Variants in ZNF577 observed in about 807,000 individuals in gnomAD.
ZNF577 encodes the protein zinc finger protein 577.
A neutral mutation model predicts 13.9 loss-of-function variants in ZNF577; 14 were observed. The observed-to-expected ratio is 1.00, with a 90% confidence interval of 0.66 to 1.57. The LOEUF is 1.57. Among genes scored for constraint, ZNF577 ranks in the 40% most tolerant of loss-of-function variants. ZNF577 has a pLI of 0.00. For missense variants in ZNF577, 555 were observed against 579.2 expected, an observed-to-expected ratio of 0.96 and a Z score of 0.43; for synonymous variants, 203 against 202.9, an observed-to-expected ratio of 1.00 and a Z score of 0.00.
rs79001092 is a variant in ZNF577, at chr19:51,843,712, T to C, written c.*155-397A>G. Reference sequence around the variant, plus strand: ...AATACAGTCCTATGCAGAAAGCCTATGTATTGCATGGTATTATGGATTAGC... The same window carrying C: ...AATACAGTCCTATGCAGAAAGCCTACGTATTGCATGGTATTATGGATTAGC... On this transcript the variant is annotated intron_variant and NMD_transcript_variant, in intron 6 of 10. Transcript: ENST00000638827. 1.7e-3 allele frequency among the ~76,000 whole-genome samples: 254 copies of C among 152,316 alleles called. 3 individuals carry two copies. In the East Asian group the frequency reaches 0.027, roughly 16 times the overall value.
At chr19:51,879,158 A>G (rs372786032) in intron 3 of ZNF577, among the ~76,000 whole-genome samples, 16 of 151,870 alleles carry the variant, frequency 1.1e-4, no homozygotes, top group East Asian at 7.8e-4. Flanking sequence ...TTGGGAGGCT[A>G]AGGCAGGAGA....
In ZNF577 at chr19:51,824,336, C is replaced by T. The variant is rs752117959; in HGVS notation, c.*600-12662G>A. 1.1e-5 allele frequency: 18 copies of T among 1,613,988 alleles called. No individual in the cohort carries two copies. The highest frequency in any genetic ancestry group is 1.3e-5 in the African/African-American group (1 of 74,910). On this transcript the variant is annotated intron_variant and NMD_transcript_variant, in intron 9 of 10. Coordinates refer to the ZNF577 transcript ENST00000638827. The surrounding 1 kb of genome is among the most constrained non-coding windows in gnomAD (Gnocchi z 4.7). ...TAGAGAGGTTGAACGTGTTCATTAC[C>T]ATGGCCAAGGTCTTTCTGATCCTCC...
At position 51,880,350 on chromosome 19, in the gene ZNF577, C is replaced by T; in HGVS notation, c.33G>A (p.Arg11=). 2 of 1,614,126 alleles carry T rather than the reference C, an allele frequency of 1.2e-6. No individual in the cohort carries two copies. Among genetic ancestry groups the T allele is most frequent in the Non-Finnish European group, 1.7e-6 (2 of 1,180,026 alleles). Residue 11 remains arginine (R), a synonymous_variant, in exon 3 of 6, where the codon AGG becomes AGA. Coordinates refer to ENST00000638348, the MANE Select transcript of ZNF577 (RefSeq NM_001370449.1). ...CCCCTGAAGAACTGCCTTGCTCTCT[C>T]CTCACAGACATTACAATCGTGGCAT... MKNATIVMSV[R]REQGSSSGEG... is the part of the protein sequence containing the mutation.
chr19:51,823,954 T>C (rs753762728), intron 9 of ZNF577: 1 of 1,614,124 alleles, frequency 6.2e-7, no homozygotes, highest in South Asian at 1.1e-5. Context: ...AACCTGGCCC[T>C]AGCTGACTTC....
At chr19:51,813,119 AACACACACAC>A (rs35245083) in intron 9 of ZNF577, among the ~76,000 whole-genome samples, 59 of 137,210 alleles carry the variant, frequency 4.3e-4, no homozygotes, top group Admixed American at 8.1e-4. Context: ...GCTCTGTCTC[AACACACACAC>A]ACACACACAC....
chr19:51,839,149 C>T (rs1259710798), intron 9 of ZNF577, among the ~76,000 whole-genome samples: 1 of 152,124 alleles, frequency 6.6e-6, no homozygotes, highest in Non-Finnish European at 1.5e-5. Context: ...ATTTCAATAC[C>T]TTGCCCAAAG....
chr19:51,866,597 G>A (rs982091845), downstream of ZNF577, among the ~76,000 whole-genome samples: 4 of 152,208 alleles, frequency 2.6e-5, no homozygotes, highest in African/African-American at 7.2e-5. Context: ...AGAACTGTGA[G>A]ACAATAAATT....
At chr19:51,830,509 C>T (rs1476617861) in intron 9 of ZNF577, among the ~76,000 whole-genome samples, 1 of 152,194 alleles carries the variant, frequency 6.6e-6, no homozygotes, top group African/African-American at 2.4e-5. Context: ...ACATCCATTG[C>T]CATGTTACTG....
Position 51,870,923 on chromosome 19 carries a change from G to A in ZNF577, c.*1609C>T, listed in dbSNP as rs58601987. Among the ~76,000 whole-genome samples the A allele has an allele frequency of 0.03, 4,495 of 152,124 alleles. 211 individuals carry two copies. Among genetic ancestry groups the A allele is most frequent in the African/African-American group, 0.1 (4,267 of 41,498 alleles). On this transcript the variant is annotated 3_prime_UTR_variant, in exon 6 of 6. Transcript: ENST00000638348. ...CTAAGCCCTTTACTTCTCAATGTCT[G>A]ATGAAGTTCATTCATATATTTTGTG...
chr19:51,817,528 A>T (rs79557975), intron 9 of ZNF577, among the ~76,000 whole-genome samples: 20,773 of 123,904 alleles, frequency 0.17, 1,568 homozygotes, highest in Middle Eastern at 0.25. Context: ...TTTTTTTTTT[A>T]AATTATTGTT....
At chr19:51,823,975 C>G in intron 9 of ZNF577, 1 of 1,614,024 alleles carries the variant, frequency 6.2e-7, no homozygotes, top group Non-Finnish European at 8.5e-7. Flanking sequence ...TCTTTCAGTG[C>G]CATCCTACCA....
At chr19:51,879,276 A>AG (rs2084821596) in intron 3 of ZNF577, among the ~76,000 whole-genome samples, 1 of 149,992 alleles carries the variant, frequency 6.7e-6, no homozygotes. Context: ...AAAAAAAAAA[A>AG]AGTAATAATA....
At chr19:51,877,547 G>A (rs1178593381) in intron 4 of ZNF577, 170 bp from the exon 5 acceptor site, 11 of 583,818 alleles carry the variant, frequency 1.9e-5, no homozygotes, top group South Asian at 1.0e-4. Context: ...AACAGTCTGC[G>A]TGACACACCC....
intron 5 of ZNF577, among the ~76,000 whole-genome samples, chr19:51,876,674 T>TC (rs1568448708): frequency 6.6e-6 from 1 of 151,954 alleles, no homozygotes. Flanking sequence ...ATGCCTGAAA[T>TC]CCCAGCACTT....
rs2122499160 is a variant in ZNF577 at position 51,824,275 on chromosome 19, G to T, written c.*600-12601C>A. 6.2e-7 allele frequency: 1 copy of T among 1,614,180 alleles called. No homozygotes were observed. On this transcript the variant is annotated intron_variant and NMD_transcript_variant, in intron 9 of 10. Transcript: ENST00000638827. The surrounding 1 kb of genome is among the most constrained non-coding windows in gnomAD (Gnocchi z 4.7). ...AGTACTACGAATGGGGACACATACT[G>T]TATTTTCAACTTTGCATTCTGGGGT...
rs1383531655 is a variant in ZNF577, at chr19:51,872,813, T to A, written c.1177A>T (p.Arg393Trp). The A allele has an allele frequency of 3.1e-6, 5 of 1,614,246 alleles. No homozygotes were observed. The South Asian group carries it at 3.3e-5, about 11-fold the overall frequency. ...CTCATGTATAAGGAGGTATGACTCCTTGAGGAAGGTTTCTCCACCGTCAGT... is the reference window on the plus strand; with the variant it reads ...CTCATGTATAAGGAGGTATGACTCCATGAGGAAGGTTTCTCCACCGTCAGT... ...NSLTVEKPSSRSHTSLYMSEL... is the reference protein window; with the variant it reads ...NSLTVEKPSSWSHTSLYMSEL... The change falls in exon 6 of 6, where the codon AGG becomes TGG. Residue 393 changes from arginine (R) to tryptophan (W), a missense_variant. Coordinates refer to ENST00000638348, the MANE Select transcript of ZNF577 (RefSeq NM_001370449.1).
chr19:51,856,177 C>T (rs2084417348), intron 5 of ZNF577, among the ~76,000 whole-genome samples: 1 of 152,152 alleles, frequency 6.6e-6, no homozygotes, highest in Non-Finnish European at 1.5e-5. Flanking sequence ...TTCTGGACAT[C>T]ATGCCTTATC....
Position 51,867,518 on chromosome 19 carries a change from T to C in ZNF577, c.*5014A>G, listed in dbSNP as rs1472821348. On this transcript the variant is annotated 3_prime_UTR_variant, in exon 6 of 6. Transcript: ENST00000638348. Reference sequence around the variant, plus strand: ...GGCCAGGCGCGGTGGCTCACACCTGTAATCCCAGCACTTTGGGAGGCTGAG... The same window carrying C: ...GGCCAGGCGCGGTGGCTCACACCTGCAATCCCAGCACTTTGGGAGGCTGAG... Among the ~76,000 whole-genome samples the C allele has an allele frequency of 1.3e-5, 2 of 151,512 alleles. No homozygotes were observed. Among genetic ancestry groups the C allele is most frequent in the Non-Finnish European group, 2.9e-5 (2 of 67,964 alleles).
At chr19:51,835,762 G>T (rs1001411356) in intron 9 of ZNF577, among the ~76,000 whole-genome samples, 1 of 151,960 alleles carries the variant, frequency 6.6e-6, no homozygotes, top group African/African-American at 2.4e-5. Context: ...GCACGATCTC[G>T]GCTCACTGCA....
Sources: allele counts gnomAD v4.1 joint callset (sites outside exome capture counted in the v4.1 genomes callset), GRCh38; gene constraint gnomAD v4.1.1; non-coding constraint Gnocchi (gnomAD v3.1); transcripts MANE v1.5; gene names NCBI Gene and HGNC (gene_info 2026-07-23, HGNC 2026-07-21).